The following FEZ1 variants were observed in gnomAD, a reference collection of about 807,000 sequenced individuals.
FEZ1 encodes the protein fasciculation and elongation protein zeta-1.
In FEZ1, 20 loss-of-function variants were observed where a neutral mutation model predicts 49.3. The ratio of observed to expected loss-of-function variants is 0.41; its 90% CI spans 0.29 to 0.59. FEZ1 has a LOEUF of 0.59. FEZ1 is among the 20% of genes least tolerant of loss of function. The pLI, the probability that FEZ1 is intolerant of heterozygous loss-of-function variation, is 0.36. For missense variants in FEZ1, 413 were observed against 476.0 expected (o/e 0.87, Z 1.23); for synonymous variants, 170 against 180.9 (o/e 0.94, Z 0.48).
chr11:125,464,570 GAAACAGCCCAGC>G (rs1473452543), intron 3 of FEZ1, among the ~76,000 whole-genome samples: 7 of 152,146 alleles, frequency 4.6e-5, no homozygotes, highest in Admixed American at 4.6e-4. Flanking sequence ...TTTCTAACAG[GAAACAGCCCAGC>G]TCCAATCCAA....
chr11:125,475,624 A>G (rs1449451693), intron 3 of FEZ1, among the ~76,000 whole-genome samples: 1 of 152,168 alleles, frequency 6.6e-6, no homozygotes, highest in African/African-American at 2.4e-5. Context: ...AGGAAAAATA[A>G]CCAATGTATA....
At chr11:125,482,320 A>T (rs776199539) in intron 2 of FEZ1, among the ~76,000 whole-genome samples, 8 of 152,218 alleles carry the variant, frequency 5.3e-5, no homozygotes, top group Non-Finnish European at 1.0e-4. Context: ...GCATTGTGTC[A>T]TTCCAACATC....
intron 5 of FEZ1, among the ~76,000 whole-genome samples, chr11:125,457,498 A>ATACACATATATATATG (rs1565533690): frequency 1.9e-4 from 12 of 64,204 alleles, no homozygotes; most frequent in African/African-American, 6.1e-4. Flanking sequence ...ATGTGTATAT[A>ATACACATATATATATG]TGTATATATA....
chr11:125,468,475 C>A (rs183574133), intron 3 of FEZ1, among the ~76,000 whole-genome samples: 31 of 152,272 alleles, frequency 2.0e-4, no homozygotes, highest in Admixed American at 1.0e-3. Flanking sequence ...CAGGTGTGAG[C>A]CACCACACCC....
intron 2 of FEZ1, among the ~76,000 whole-genome samples, chr11:125,486,101 T>G (rs1257595649): frequency 6.6e-6 from 1 of 152,256 alleles, no homozygotes; most frequent in East Asian, 1.9e-4. Context: ...TTATGTGTAG[T>G]TTTCCCTAGC....
chr11:125,483,548 T>G (rs1957303089), intron 2 of FEZ1, among the ~76,000 whole-genome samples: 1 of 152,184 alleles, frequency 6.6e-6, no homozygotes, highest in Non-Finnish European at 1.5e-5. Flanking sequence ...CCATTAGCAT[T>G]CTAGAGCCAA....
At chr11:125,491,084 A>G (rs1957377119) in intron 1 of FEZ1, among the ~76,000 whole-genome samples, 1 of 152,128 alleles carries the variant, frequency 6.6e-6, no homozygotes. Context: ...CACATAGAGC[A>G]TATGCCTAGG....
chr11:125,484,297 C>G (rs887611210), intron 2 of FEZ1, among the ~76,000 whole-genome samples: 1 of 152,198 alleles, frequency 6.6e-6, no homozygotes, highest in Admixed American at 6.5e-5. Context: ...AAAATTGAAA[C>G]ATAGTGAATT....
rs112543206 is a variant in FEZ1, at chr11:125,445,170, C to T, written c.*925G>A. On this transcript the variant is annotated 3_prime_UTR_variant, in exon 10 of 10. Coordinates refer to ENST00000278919, the MANE Select transcript of FEZ1 (RefSeq NM_005103.5). The surrounding 1 kb of genome is among the most constrained non-coding windows in gnomAD (Gnocchi z 4.4). Reference sequence around the variant, plus strand: ...GTCAGAGCTGCTGTTCATGGAGGGCCGCGGGAAGGGCCAGGACAGCACTGC... The same window carrying T: ...GTCAGAGCTGCTGTTCATGGAGGGCTGCGGGAAGGGCCAGGACAGCACTGC... 3.9e-4 allele frequency among the ~76,000 whole-genome samples: 60 copies of T among 152,300 alleles called. No individual in the cohort carries two copies. The highest frequency in any genetic ancestry group is 1.3e-3 in the African/African-American group (55 of 41,564).
At chr11:125,488,903 T>C (rs1268406342) in intron 2 of FEZ1, 2 of 985,332 alleles carry the variant, frequency 2.0e-6, no homozygotes, top group Non-Finnish European at 2.4e-6. Flanking sequence ...GGAATCTGCA[T>C]ACTCAAAGGC....
At chr11:125,455,307 C>G (rs559829009) in intron 6 of FEZ1, 1 of 153,618 alleles carries the variant, frequency 6.5e-6, no homozygotes, top group South Asian at 2.0e-4. Context: ...AGGAGAATTG[C>G]TTGAGCCCAG....
intron 2 of FEZ1, among the ~76,000 whole-genome samples, chr11:125,485,980 T>C (rs1361501319): frequency 6.6e-6 from 1 of 152,092 alleles, no homozygotes; most frequent in African/African-American, 2.4e-5. Flanking sequence ...TAGCAGCACA[T>C]TAATGCGTTT....
chr11:125,463,583 T>C lies in FEZ1; in HGVS notation c.412-13A>G. 1 of 1,529,630 alleles carries C rather than the reference T, an allele frequency of 6.5e-7. No individual in the cohort carries two copies. Among genetic ancestry groups the C allele is most frequent in the Non-Finnish European group, 9.1e-7 (1 of 1,103,626 alleles). The allele number at this position is 1,529,630 out of a possible 1,614,324, so 94.8% of individuals were successfully genotyped here. A position where few individuals can be genotyped will look rare whatever the true frequency, so the allele number is the denominator to read the frequency against. ...CTTTCTCATGGATCTGGAGAGGAGG[T>C]GGGGAGATGGAATTCTGGGTGACCA... is the stretch of plus-strand genomic sequence containing the variant. On this transcript the variant is annotated splice_polypyrimidine_tract_variant and intron_variant, in intron 3 of 9. Coordinates refer to ENST00000278919, the MANE Select transcript of FEZ1 (RefSeq NM_005103.5).
In FEZ1 at chr11:125,445,954, G is replaced by A. The variant is rs773837751; in HGVS notation, c.*141C>T. The A allele has an allele frequency of 1.4e-4, 120 of 850,544 alleles. No homozygotes were observed. The highest frequency in any genetic ancestry group is 2.2e-4 in the Non-Finnish European group (108 of 494,860). The allele number at this position is 850,544 out of a possible 1,614,324, so 52.7% of individuals were successfully genotyped here. A position where few individuals can be genotyped will look rare whatever the true frequency, so the allele number is the denominator to read the frequency against. On this transcript the variant is annotated 3_prime_UTR_variant, in exon 10 of 10. Coordinates refer to ENST00000278919, the MANE Select transcript of FEZ1 (RefSeq NM_005103.5). This position sits in a 1 kb window ranked among gnomAD's most constrained non-coding sequence, Gnocchi z 4.4. ...CTAGAAGCCAACGGCAAAGGACCCCGCGCGCTTGCTCGTGTTTAATCCAGG... is the reference window on the plus strand; with the variant it reads ...CTAGAAGCCAACGGCAAAGGACCCCACGCGCTTGCTCGTGTTTAATCCAGG...
intron 1 of FEZ1, among the ~76,000 whole-genome samples, chr11:125,492,461 A>G (rs1286262346): frequency 1.3e-5 from 2 of 152,232 alleles, no homozygotes; most frequent in African/African-American, 4.8e-5. Flanking sequence ...TCATAGTGCA[A>G]AAAAGATTAA....
intron 3 of FEZ1, among the ~76,000 whole-genome samples, chr11:125,469,708 T>G (rs1284978156): frequency 6.6e-6 from 1 of 150,534 alleles, no homozygotes; most frequent in Non-Finnish European, 1.5e-5. Context: ...GGACTACAGG[T>G]GCATGCCACC....
intron 5 of FEZ1, among the ~76,000 whole-genome samples, chr11:125,456,990 C>G (rs1454544143): frequency 6.6e-6 from 1 of 151,708 alleles, no homozygotes; most frequent in African/African-American, 2.4e-5. Context: ...TCGAAAACAG[C>G]CTGGCCAGCA....
At position 125,495,740 on chromosome 11, in the gene FEZ1, C is replaced by T. The variant is rs1411921397; in HGVS notation, c.-46+381G>A. On this transcript the variant is annotated intron_variant, in intron 1 of 9. Transcript: ENST00000278919. The surrounding 1 kb of genome is among the most constrained non-coding windows in gnomAD (Gnocchi z 4.2). ...GGGCGGCGTTCCCTTCTTCCCCCAG[C>T]CCCCATACCTCGCCGCCCTGCCTTC... 7 of 248,508 alleles carry T rather than the reference C, an allele frequency of 2.8e-5. No homozygotes were observed. Among genetic ancestry groups the T allele is most frequent in the South Asian group, 6.7e-5 (3 of 44,618 alleles). The allele number at this position is 248,508 out of a possible 1,614,324, so 15.4% of individuals were successfully genotyped here.
rs950854603 is a variant in FEZ1, at chr11:125,445,621, C to T, written c.*474G>A. On this transcript the variant is annotated 3_prime_UTR_variant, in exon 10 of 10. Coordinates refer to ENST00000278919, the MANE Select transcript of FEZ1 (RefSeq NM_005103.5). The surrounding 1 kb of genome is among the most constrained non-coding windows in gnomAD (Gnocchi z 4.4). ...CCACCACGACCCACAACAGGACATG[C>T]GCCCGGTCCCTAAACACAGCACTGG... 12 of 274,416 alleles carry T rather than the reference C, an allele frequency of 4.4e-5. No homozygotes were observed. Among genetic ancestry groups the T allele is most frequent in the Admixed American group, 1.5e-4 (3 of 20,688 alleles). The allele number at this position is 274,416 out of a possible 1,614,324, so 17.0% of individuals were successfully genotyped here.
Sources: allele counts gnomAD v4.1 joint callset (sites outside exome capture counted in the v4.1 genomes callset), GRCh38; gene constraint gnomAD v4.1.1; non-coding constraint Gnocchi (gnomAD v3.1); transcripts MANE v1.5; gene names NCBI Gene and HGNC (gene_info 2026-07-23, HGNC 2026-07-21).